Variants in SYNE1 observed in about 807,000 individuals in gnomAD.
The protein encoded by SYNE1 is nesprin-1.
SYNE1 carries 616 observed loss-of-function variants against 1,111.0 expected under a neutral mutation model. That is an observed-to-expected ratio of 0.55 (90% CI 0.52 to 0.59). The LOEUF (loss-of-function observed/expected upper bound fraction) is 0.59, where lower values mean the gene tolerates loss of function less well. Ranked by LOEUF, SYNE1 falls within the 20% of genes least tolerant of loss-of-function variation. The probability of loss-of-function intolerance (pLI) is 0.00; values close to 1 mark genes in which losing one functional copy is unlikely to be tolerated. For missense variants in SYNE1, 10,006 were observed against 10,417.0 expected, an observed-to-expected ratio of 0.96 and a Z score of 1.72; for synonymous variants, 3,855 against 3,825.8, an observed-to-expected ratio of 1.01 and a Z score of -0.28.
At chr6:152,389,964 A>G (rs2154131646) in intron 53 of SYNE1, among the ~76,000 whole-genome samples, 1 of 152,372 alleles carries the variant, frequency 6.6e-6, no homozygotes, top group Admixed American at 6.5e-5. Flanking sequence ...TATTCAAGTT[A>G]TTAAAGAACC....
At chr6:152,378,182 A>G (rs2097330829) in intron 56 of SYNE1, among the ~76,000 whole-genome samples, 1 of 152,226 alleles carries the variant, frequency 6.6e-6, no homozygotes, top group African/African-American at 2.4e-5. Context: ...ATATGTAAAC[A>G]CTGTGGATAA....
intron 53 of SYNE1, among the ~76,000 whole-genome samples, chr6:152,388,312 CAT>C (rs2097555141): frequency 6.6e-6 from 1 of 151,334 alleles, no homozygotes; most frequent in Non-Finnish European, 1.5e-5. Flanking sequence ...GTGGTGCAAT[CAT>C]ATAGCTCATT....
intron 127 of SYNE1, 27 bp downstream of exon 127, chr6:152,201,797 G>C (rs377056117): frequency 3.7e-6 from 6 of 1,613,664 alleles, no homozygotes; most frequent in East Asian, 4.5e-5. Context: ...CACAGGTGAC[G>C]GTGAAAATCT....
intron 85 of SYNE1, 35 bp downstream of exon 85, chr6:152,318,828 C>T: frequency 6.2e-7 from 1 of 1,612,044 alleles, no homozygotes; most frequent in Non-Finnish European, 8.5e-7. Context: ...CTATTTAATT[C>T]ATTCAGTAGT....
rs138448798 is a variant in SYNE1 at position 152,208,308 on chromosome 6, G to T, written c.22590-102C>A. ...TGTCAACAACCCTAAGCCCTGAGAAGTGATCTAGGGCGGTGGTTTTTGAAT... is the reference window on the plus strand; with the variant it reads ...TGTCAACAACCCTAAGCCCTGAGAATTGATCTAGGGCGGTGGTTTTTGAAT... On this transcript the variant is annotated intron_variant, in intron 124 of 145. Transcript: ENST00000367255. 2.3e-5 allele frequency: 24 copies of T among 1,034,250 alleles called. No individual in the cohort carries two copies. In the African/African-American group the frequency reaches 3.4e-4, roughly 15 times the overall value. 64.1% of individuals were successfully genotyped at this position (1,034,250 alleles called of 1,614,324 possible). A position where few individuals can be genotyped will look rare whatever the true frequency, so the allele number is the denominator to read the frequency against.
intron 145 of SYNE1, chr6:152,129,719 T>C (rs2813565): frequency 0.024 from 3,665 of 152,290 alleles, 82 homozygotes; most frequent in Admixed American, 0.054. Context: ...CAGTCCCTTA[T>C]GTACAGCTGG....
At chr6:152,430,379 T>G in intron 35 of SYNE1, 103 bp downstream of exon 35, 1 of 1,211,626 alleles carries the variant, frequency 8.3e-7, no homozygotes, top group Non-Finnish European at 1.2e-6. Context: ...ATTTCACAAA[T>G]TATGTCTTTC....
intron 91 of SYNE1, among the ~76,000 whole-genome samples, chr6:152,307,861 T>C (rs2095425171): frequency 6.6e-6 from 1 of 152,094 alleles, no homozygotes; most frequent in African/African-American, 2.4e-5. Flanking sequence ...TGAGACTGAG[T>C]CTCACTCTGT....
intron 3 of SYNE1, among the ~76,000 whole-genome samples, chr6:152,567,037 C>T (rs926150104): frequency 2.0e-5 from 3 of 149,004 alleles, no homozygotes; most frequent in African/African-American, 5.0e-5. Flanking sequence ...GCGTGTGTGG[C>T]AACTGTATAC....
chr6:152,532,351 G>A (rs2099207379), intron 4 of SYNE1, among the ~76,000 whole-genome samples: 1 of 152,140 alleles, frequency 6.6e-6, no homozygotes, highest in East Asian at 1.9e-4. Flanking sequence ...CTAGTAAATG[G>A]TTTTTACTTT....
At chr6:152,488,600 G>C (rs969355675) in intron 11 of SYNE1, 97 bp from the exon 12 acceptor site, 3 of 749,392 alleles carry the variant, frequency 4.0e-6, no homozygotes, top group Non-Finnish European at 6.8e-6. Context: ...TTAATATTTA[G>C]TAAGTCCCAA....
intron 3 of SYNE1, among the ~76,000 whole-genome samples, chr6:152,622,202 G>T (rs1178138087): frequency 6.6e-6 from 1 of 152,118 alleles, no homozygotes; most frequent in African/African-American, 2.4e-5. Context: ...CAATAAATGA[G>T]TTTTTGACAC....
intron 21 of SYNE1, among the ~76,000 whole-genome samples, chr6:152,461,265 T>C (rs895137555): frequency 2.0e-5 from 3 of 152,138 alleles, no homozygotes; most frequent in African/African-American, 7.2e-5. Flanking sequence ...AAATTTATGA[T>C]CCCCTCTTCT....
intron 67 of SYNE1, 47 bp from the exon 68 acceptor site, chr6:152,353,791 G>C (rs1235366433): frequency 6.2e-7 from 1 of 1,608,610 alleles, no homozygotes; most frequent in East Asian, 2.2e-5. Context: ...TTAGCCATTC[G>C]AATAAGCCAA....
At chr6:152,472,634 C>T (rs1296465721) in intron 14 of SYNE1, 2 of 703,046 alleles carry the variant, frequency 2.8e-6, no homozygotes, top group African/African-American at 3.5e-5. Flanking sequence ...AATAATTATG[C>T]ATCTTTTAAA....
chr6:152,253,198 C>T (rs777982355), intron 104 of SYNE1, among the ~76,000 whole-genome samples: 1 of 152,236 alleles, frequency 6.6e-6, no homozygotes, highest in African/African-American at 2.4e-5. Context: ...TCCCTGAGAT[C>T]ACCCTAATAT....
At chr6:152,253,853 T>TTTTTTTTTG (rs2090138722) in intron 104 of SYNE1, among the ~76,000 whole-genome samples, 4 of 118,844 alleles carry the variant, frequency 3.4e-5, no homozygotes, top group Non-Finnish European at 6.6e-5. Context: ...TTTTTTTTTT[T>TTTTTTTTTG]TTTTTTTGCA....
intron 145 of SYNE1, chr6:152,126,095 T>C (rs1325511841): frequency 1.3e-5 from 2 of 152,170 alleles, no homozygotes; most frequent in Admixed American, 1.3e-4. Context: ...AAAATTTAAT[T>C]TGTGCATGAC....
chr6:152,448,230 T>C (rs2098609377), intron 28 of SYNE1, among the ~76,000 whole-genome samples: 1 of 152,332 alleles, frequency 6.6e-6, no homozygotes, highest in Non-Finnish European at 1.5e-5. Context: ...AAGAAAATGC[T>C]AGAAAGACTC....
Sources: gnomAD v4.1 joint callset for allele counts (sites outside exome capture counted in the v4.1 genomes callset) on GRCh38, gnomAD v4.1.1 for gene constraint, MANE v1.5 for transcripts, NCBI Gene and HGNC (gene_info 2026-07-23, HGNC 2026-07-21) for gene names.